Variants in SYNE1 observed in about 807,000 individuals in gnomAD.
SYNE1 encodes nesprin-1.
Under a neutral mutation model 1,111.0 loss-of-function variants are expected in SYNE1, and 616 were observed. That is an observed-to-expected ratio of 0.55 (90% CI 0.52 to 0.59). The LOEUF (loss-of-function observed/expected upper bound fraction) is 0.59. SYNE1 is among the 20% of genes least tolerant of loss of function. The pLI, the probability that SYNE1 is intolerant of heterozygous loss-of-function variation, is 0.00. For missense variants in SYNE1, 10,006 were observed against 10,417.0 expected, an observed-to-expected ratio of 0.96 and a Z score of 1.72; for synonymous variants, 3,855 against 3,825.8, an observed-to-expected ratio of 1.01 and a Z score of -0.28.
At chr6:152,270,437 G>A (rs2093105782) in intron 98 of SYNE1, among the ~76,000 whole-genome samples, 1 of 152,124 alleles carries the variant, frequency 6.6e-6, no homozygotes, top group Non-Finnish European at 1.5e-5. Context: ...TGCTAAGCTG[G>A]CTTGGAGAAA....
Position 152,268,157 on chromosome 6 carries a change from T to A in SYNE1, c.18714A>T (p.Glu6238Asp), listed in dbSNP as rs1284790393. The change falls in exon 100 of 146, where the codon GAA (glutamate) becomes GAT (aspartate). Residue 6238 changes from glutamate to aspartate, a missense_variant. Glu to Asp is a conservative substitution (Grantham distance 45). Coordinates refer to ENST00000367255, the MANE Select transcript of SYNE1 (RefSeq NM_182961.4). ...GACTCTTCTGCTCGGCTAATTCCTG[T>A]TCTAACTCCTGCTCAAGGGAAAGGA... ...QSSLQQQKEL[E>D]QELAEQKSLL... 1 of 1,613,782 alleles carries A rather than the reference T, an allele frequency of 6.2e-7. No individual in the cohort carries two copies. Among genetic ancestry groups the A allele is most frequent in the Non-Finnish European group, 8.5e-7 (1 of 1,179,670 alleles).
At chr6:152,282,171 A>AT in intron 96 of SYNE1, 191 bp from the exon 97 acceptor site, 1 of 623,558 alleles carries the variant, frequency 1.6e-6, no homozygotes, top group South Asian at 1.9e-5. Flanking sequence ...CAAAATTGGT[A>AT]TTTTTAAAAA....
At chr6:152,628,758 T>C (rs549922000) in intron 2 of SYNE1, among the ~76,000 whole-genome samples, 1 of 152,294 alleles carries the variant, frequency 6.6e-6, no homozygotes, top group East Asian at 1.9e-4. Context: ...AATACATAAA[T>C]GAGACATATA....
At chr6:152,137,211 G>C (rs2057297491) in intron 140 of SYNE1, among the ~76,000 whole-genome samples, 1 of 152,194 alleles carries the variant, frequency 6.6e-6, no homozygotes, top group African/African-American at 2.4e-5. Context: ...AGTTCAGCCA[G>C]GGTAGGGGGT....
At chr6:152,529,540 C>G (rs1266874533) in intron 4 of SYNE1, among the ~76,000 whole-genome samples, 1 of 152,132 alleles carries the variant, frequency 6.6e-6, no homozygotes, top group East Asian at 1.9e-4. Flanking sequence ...TGGGGGCTCC[C>G]AAGAACACTT....
Position 152,149,566 on chromosome 6 carries a change from T to C in SYNE1, c.24553A>G (p.Ile8185Val), listed in dbSNP as rs2060071846. ...EKSEPLDAAI[I>V]EEELDELRRY... The stretch of plus-strand genomic sequence containing the variant: ...CGGAGCTCATCTAGTTCCTCCTCGA[T>C]GATCGCTGCATCCAAGGGCTCACTC... The change falls in exon 136 of 146, where the codon ATC (isoleucine) becomes GTC (valine). Residue 8185 changes from isoleucine (I) to valine (V), a missense_variant. Physicochemically the swap from Ile to Val is conservative, Grantham distance 29. Around this residue, in one of 7 missense-constraint regions of SYNE1, gnomAD observed 761 missense variants for 795.5 expected, o/e 0.96. Transcript: ENST00000367255. The C allele has an allele frequency of 3.1e-6, 5 of 1,614,106 alleles. No individual in the cohort carries two copies. Among genetic ancestry groups the C allele is most frequent in the Non-Finnish European group, 4.2e-6 (5 of 1,180,042 alleles).
At chr6:152,462,357 C>T (rs934308541) in intron 20 of SYNE1, among the ~76,000 whole-genome samples, 1 of 152,158 alleles carries the variant, frequency 6.6e-6, no homozygotes, top group African/African-American at 2.4e-5. Context: ...AATTCTTCCA[C>T]TACTTCATTT....
chr6:152,235,115 C>T (rs1188139080), intron 110 of SYNE1, among the ~76,000 whole-genome samples: 3 of 152,122 alleles, frequency 2.0e-5, no homozygotes, highest in African/African-American at 7.2e-5. Context: ...TAGACACAGA[C>T]TATGTCATTA....
intron 64 of SYNE1, among the ~76,000 whole-genome samples, chr6:152,361,845 T>A (rs1021072850): frequency 1.8e-4 from 25 of 137,668 alleles, no homozygotes; most frequent in African/African-American, 2.4e-4. Context: ...AGGGATGTGA[T>A]AAAAAAAAAA....
intron 135 of SYNE1, among the ~76,000 whole-genome samples, 174 bp from the exon 136 acceptor site, chr6:152,149,842 T>C (rs1434279184): frequency 6.6e-6 from 1 of 152,200 alleles, no homozygotes; most frequent in African/African-American, 2.4e-5. Flanking sequence ...AACATATGCA[T>C]TTTCAGCCAG....
At chr6:152,246,807 G>A (rs1452320569) in intron 105 of SYNE1, among the ~76,000 whole-genome samples, 1 of 152,140 alleles carries the variant, frequency 6.6e-6, no homozygotes, top group Non-Finnish European at 1.5e-5. Flanking sequence ...GAATTAGAAT[G>A]TTTTTAGATT....
intron 6 of SYNE1, among the ~76,000 whole-genome samples, chr6:152,515,771 C>A (rs2099108446): frequency 6.6e-6 from 1 of 152,190 alleles, no homozygotes; most frequent in South Asian, 2.1e-4. Context: ...CTGCCTGACA[C>A]CTCATTGGAG....
intron 106 of SYNE1, among the ~76,000 whole-genome samples, chr6:152,243,403 T>A (rs1195949721): frequency 6.6e-6 from 1 of 152,198 alleles, no homozygotes; most frequent in Non-Finnish European, 1.5e-5. Context: ...CTATTTAAAC[T>A]GGAAAGACAT....
At chr6:152,238,196 G>C (rs2153543956) in intron 108 of SYNE1, among the ~76,000 whole-genome samples, 1 of 152,176 alleles carries the variant, frequency 6.6e-6, no homozygotes, top group Admixed American at 6.5e-5. Flanking sequence ...TGCCTGGTGG[G>C]GCTACAATTT....
intron 105 of SYNE1, among the ~76,000 whole-genome samples, chr6:152,246,846 C>G (rs181274461): frequency 2.7e-4 from 41 of 152,170 alleles, no homozygotes; most frequent in African/African-American, 9.6e-4. Context: ...AGCTAGAAAA[C>G]AATGAAGAAA....
At chr6:152,543,570 G>A (rs1016034896) in intron 3 of SYNE1, among the ~76,000 whole-genome samples, 3 of 152,132 alleles carry the variant, frequency 2.0e-5, no homozygotes, top group African/African-American at 7.2e-5. Flanking sequence ...TCTTTTTAAT[G>A]CTGTTGACAG....
At chr6:152,354,555 G>T (rs569541603) in intron 67 of SYNE1, 104 bp downstream of exon 67, 2 of 1,351,028 alleles carry the variant, frequency 1.5e-6, no homozygotes, top group Non-Finnish European at 2.1e-6. Context: ...AAAAGATTTT[G>T]CAAAGCCTAA....
intron 4 of SYNE1, among the ~76,000 whole-genome samples, chr6:152,529,836 C>T (rs984590971): frequency 5.2e-5 from 7 of 134,862 alleles, no homozygotes; most frequent in East Asian, 2.5e-4. Flanking sequence ...CAGGGTTTTA[C>T]TGGGGGGTCT....
At chr6:152,607,363 T>C (rs2099618695) in intron 3 of SYNE1, among the ~76,000 whole-genome samples, 1 of 152,144 alleles carries the variant, frequency 6.6e-6, no homozygotes. Flanking sequence ...AAGGAAGTCC[T>C]ATAGAAAAGT....
Sources: gnomAD v4.1 joint callset for allele counts (sites outside exome capture counted in the v4.1 genomes callset) on GRCh38, gnomAD v4.1.1 for gene constraint, gnomAD v4.1.1 regional missense constraint, MANE v1.5 for transcripts, NCBI Gene and HGNC (gene_info 2026-07-23, HGNC 2026-07-21) for gene names.